Variants in FAF1 observed in about 807,000 individuals in gnomAD.
FAF1 encodes the protein FAS-associated factor 1.
A neutral mutation model predicts 92.5 loss-of-function variants in FAF1; 25 were observed. The observed-to-expected ratio is 0.27, with a 90% confidence interval of 0.20 to 0.38. FAF1 has a LOEUF of 0.38. Among genes scored for constraint, FAF1 ranks in the 10% least tolerant of loss-of-function variants. The pLI is 1.00. For missense variants in FAF1, 636 were observed against 793.3 expected, an observed-to-expected ratio of 0.80 and a Z score of 2.38; for synonymous variants, 234 against 273.2, an observed-to-expected ratio of 0.86 and a Z score of 1.42.
chr1:50,548,106 A>G (rs1419859664), intron 13 of FAF1, among the ~76,000 whole-genome samples: 1 of 152,216 alleles, frequency 6.6e-6, no homozygotes, highest in Non-Finnish European at 1.5e-5. Context: ...TTAATGCCAT[A>G]TAACATTTCT....
At chr1:50,770,007 C>T (rs1276046475) in intron 4 of FAF1, among the ~76,000 whole-genome samples, 1 of 152,026 alleles carries the variant, frequency 6.6e-6, no homozygotes, top group Non-Finnish European at 1.5e-5. Context: ...GCCGAGATCA[C>T]GCCACTGCAC....
At chr1:50,508,389 G>C (rs1446391481) in intron 15 of FAF1, among the ~76,000 whole-genome samples, 1 of 152,178 alleles carries the variant, frequency 6.6e-6, no homozygotes, top group African/African-American at 2.4e-5. Flanking sequence ...CCATACAATG[G>C]AATATTATTT....
intron 1 of FAF1, among the ~76,000 whole-genome samples, chr1:50,956,516 T>G (rs896060038): frequency 1.3e-5 from 2 of 152,214 alleles, no homozygotes; most frequent in African/African-American, 4.8e-5. Context: ...CAAACTATTA[T>G]TGAGTCTCAC....
At chr1:50,678,776 C>CAA (rs58946586) in intron 7 of FAF1, among the ~76,000 whole-genome samples, 3,042 of 13,928 alleles carry the variant, frequency 0.22, 1,056 homozygotes, top group Middle Eastern at 0.33. Context: ...GACTCCATCT[C>CAA]AAAAAAAAAA....
intron 1 of FAF1, among the ~76,000 whole-genome samples, chr1:50,898,321 AAAC>A (rs753012294): frequency 8.5e-5 from 13 of 152,222 alleles, no homozygotes; most frequent in South Asian, 2.1e-4. Flanking sequence ...ACCTCTTGAA[AAAC>A]AACAACAACA....
At chr1:50,690,006 T>C (rs1294989739) in intron 7 of FAF1, among the ~76,000 whole-genome samples, 2 of 147,748 alleles carry the variant, frequency 1.4e-5, no homozygotes, top group Non-Finnish European at 3.0e-5. Flanking sequence ...TTTTTTTTTT[T>C]TTTTTTTGAG....
chr1:50,862,062 T>C (rs1222556327), intron 1 of FAF1, among the ~76,000 whole-genome samples: 5 of 150,840 alleles, frequency 3.3e-5, no homozygotes, highest in African/African-American at 1.2e-4. Context: ...AAAAATAGTT[T>C]AGAAGTCATT....
chr1:50,619,083 C>A (rs751441213), intron 8 of FAF1, among the ~76,000 whole-genome samples: 12 of 152,110 alleles, frequency 7.9e-5, no homozygotes, highest in Admixed American at 6.5e-4. Flanking sequence ...TTTATTTCTG[C>A]GTGGTAGATC....
At chr1:50,827,708 GATT>G (rs1644114959) in intron 2 of FAF1, among the ~76,000 whole-genome samples, 1 of 151,764 alleles carries the variant, frequency 6.6e-6, no homozygotes, top group South Asian at 2.1e-4. Flanking sequence ...CATACCTAAA[GATT>G]ATTTAAAGAA....
At chr1:50,937,069 G>A (rs1220024494) in intron 1 of FAF1, among the ~76,000 whole-genome samples, 1 of 151,988 alleles carries the variant, frequency 6.6e-6, no homozygotes, top group Non-Finnish European at 1.5e-5. Context: ...TCATTGAGCT[G>A]GAGAAATTCA....
intron 1 of FAF1, among the ~76,000 whole-genome samples, chr1:50,920,698 C>G (rs1306738698): frequency 6.6e-6 from 1 of 152,048 alleles, no homozygotes; most frequent in African/African-American, 2.4e-5. Flanking sequence ...CTAGAATATT[C>G]AAAAAAATTA....
chr1:50,713,259 A>ACAGTT (rs1658022784), intron 6 of FAF1, among the ~76,000 whole-genome samples: 1 of 151,966 alleles, frequency 6.6e-6, no homozygotes. Flanking sequence ...GTTAAAAAAA[A>ACAGTT]AAAAGGCATG....
In FAF1 at chr1:50,776,375, G is replaced by C. The variant is rs767765232; in HGVS notation, c.367+11625C>G. 1.2e-4 allele frequency among the ~76,000 whole-genome samples: 19 copies of C among 152,148 alleles called. No individual in the cohort carries two copies. In the East Asian group the frequency reaches 2.9e-3, roughly 23 times the overall value. On this transcript the variant is annotated intron_variant, in intron 4 of 18. Coordinates refer to ENST00000396153, the MANE Select transcript of FAF1 (RefSeq NM_007051.3). ...AGCTCTTCCAGTTTTATTTGTTCTG[G>C]ATTATAGTTTTACCTTATTATGAAT...
intron 8 of FAF1, among the ~76,000 whole-genome samples, chr1:50,654,970 T>C (rs1655037138): frequency 6.7e-6 from 1 of 149,252 alleles, no homozygotes; most frequent in Non-Finnish European, 1.5e-5. Context: ...TTTAGATATT[T>C]CTTTTTTTTT....
At chr1:50,747,103 G>A (rs140134347) in intron 4 of FAF1, among the ~76,000 whole-genome samples, 168 of 152,342 alleles carry the variant, frequency 1.1e-3, no homozygotes, top group African/African-American at 3.8e-3. Context: ...GTGCAGAGAA[G>A]AAATGTGAGG....
At chr1:50,566,790 A>G (rs867214496) in intron 13 of FAF1, among the ~76,000 whole-genome samples, 2 of 152,064 alleles carry the variant, frequency 1.3e-5, no homozygotes, top group African/African-American at 2.4e-5. Flanking sequence ...GGTTTCTCTA[A>G]AAGTTCAAAA....
rs772979864 is a variant in FAF1, at chr1:50,491,814, G to T, written c.1495-13C>A. ...CTTCACGTTCATCCTTAAAGAAAAA[G>T]ATTCAAATATTTTTTGACATATAAC... is the stretch of plus-strand genomic sequence containing the variant. On this transcript the variant is annotated splice_polypyrimidine_tract_variant and intron_variant, in intron 15 of 18. Transcript: ENST00000396153. 42 of 1,586,750 alleles carry T rather than the reference G, an allele frequency of 2.6e-5. No individual in the cohort carries two copies. Among genetic ancestry groups the T allele is most frequent in the Non-Finnish European group, 3.6e-5 (42 of 1,166,966 alleles).
At chr1:50,956,394 G>GCTTT (rs1645267037) in intron 1 of FAF1, among the ~76,000 whole-genome samples, 1 of 151,994 alleles carries the variant, frequency 6.6e-6, no homozygotes, top group African/African-American at 2.4e-5. Flanking sequence ...CCTTCTCAAA[G>GCTTT]GTTTTTCCAC....
chr1:50,539,842 G>A (rs758575906), intron 13 of FAF1, 114 bp from the exon 14 acceptor site: 34 of 682,210 alleles, frequency 5.0e-5, no homozygotes, highest in Non-Finnish European at 8.1e-5. Context: ...CAGCCTGCCT[G>A]ATATCAATAT....
Sources: allele counts gnomAD v4.1 joint callset (sites outside exome capture counted in the v4.1 genomes callset), GRCh38; gene constraint gnomAD v4.1.1; transcripts MANE v1.5; gene names NCBI Gene and HGNC (gene_info 2026-07-23, HGNC 2026-07-21).